The following ERICH6 variants were observed in gnomAD, a reference collection of about 807,000 sequenced individuals.
The protein encoded by ERICH6 is glutamate rich 6, also known as glutamate-rich protein 6.
In ERICH6, 71 loss-of-function variants were observed where a neutral mutation model predicts 71.0. That is an observed-to-expected ratio of 1.00 (90% confidence interval 0.83 to 1.22). The LOEUF (loss-of-function observed/expected upper bound fraction) is 1.22. Among genes scored for constraint, ERICH6 ranks in the 50% most tolerant of loss-of-function variants. The pLI is 0.00. For missense variants in ERICH6, 808 were observed against 797.2 expected, an observed-to-expected ratio of 1.01 and a Z score of -0.16; for synonymous variants, 262 against 278.4, an observed-to-expected ratio of 0.94 and a Z score of 0.59.
At chr3:150,666,709 A>G (rs912808282) in intron 13 of ERICH6, 78 bp downstream of exon 13, 17 of 1,242,606 alleles carry the variant, frequency 1.4e-5, no homozygotes, top group Non-Finnish European at 1.7e-5. Flanking sequence ...GTAATCTATC[A>G]GTAATAATAC....
intron 3 of ERICH6, among the ~76,000 whole-genome samples, chr3:150,694,077 A>G (rs1036574304): frequency 5.9e-5 from 9 of 152,100 alleles, no homozygotes; most frequent in African/African-American, 1.9e-4. Context: ...GTTTTCCAGG[A>G]TTGTTCTTCT....
At chr3:150,702,754 C>T (rs917173865) in intron 1 of ERICH6, among the ~76,000 whole-genome samples, 8 of 151,044 alleles carry the variant, frequency 5.3e-5, no homozygotes, top group East Asian at 2.0e-4. Context: ...GAAGACTTCT[C>T]TGCTTCTTTT....
In ERICH6 at chr3:150,665,089, A is replaced by G. The variant is rs113208725; in HGVS notation, c.1728+1698T>C. 4.6e-3 allele frequency among the ~76,000 whole-genome samples: 693 copies of G among 152,186 alleles called. 9 individuals carry two copies. The highest frequency in any genetic ancestry group is 0.016 in the African/African-American group (654 of 41,510). ...AATGTATTTACTATGGATGTAATGT[A>G]ACAAAAGGAGGGGATACTGCAGATT... On this transcript the variant is annotated intron_variant, in intron 13 of 13. Coordinates refer to ENST00000295910, the MANE Select transcript of ERICH6 (RefSeq NM_152394.5).
At chr3:150,666,737 C>A in intron 13 of ERICH6, 50 bp downstream of exon 13, 1 of 1,507,658 alleles carries the variant, frequency 6.6e-7, no homozygotes, top group Admixed American at 1.8e-5. Flanking sequence ...AGTTAGTTTA[C>A]TCTTATTATT....
At chr3:150,680,354 C>G in intron 9 of ERICH6, 114 bp downstream of exon 9, 1 of 1,081,820 alleles carries the variant, frequency 9.2e-7, no homozygotes, top group Non-Finnish European at 1.4e-6. Context: ...AGGCGTGAGC[C>G]ACTGCACCTG....
At chr3:150,671,842 C>T (rs1205591091) in intron 11 of ERICH6, among the ~76,000 whole-genome samples, 4 of 152,154 alleles carry the variant, frequency 2.6e-5, no homozygotes, top group Non-Finnish European at 4.4e-5. Context: ...GTTGCCCAGG[C>T]TGATCTCAAA....
At chr3:150,669,897 A>T (rs972215153) in intron 11 of ERICH6, among the ~76,000 whole-genome samples, 8 of 152,292 alleles carry the variant, frequency 5.3e-5, no homozygotes, top group Middle Eastern at 3.4e-3. Flanking sequence ...AGTATCTACA[A>T]AAAGCCCACA....
chr3:150,667,917 A>C (rs1727481495), intron 12 of ERICH6, among the ~76,000 whole-genome samples: 1 of 152,210 alleles, frequency 6.6e-6, no homozygotes, highest in Admixed American at 6.5e-5. Flanking sequence ...CCTCTTTCTA[A>C]AAAGTTCAAA....
intron 13 of ERICH6, among the ~76,000 whole-genome samples, chr3:150,662,963 G>A (rs1245404267): frequency 6.6e-6 from 1 of 152,120 alleles, no homozygotes; most frequent in East Asian, 1.9e-4. Flanking sequence ...GGCCAGTATG[G>A]CTGGAACAGA....
chr3:150,675,672 A>C (rs1026846689), intron 10 of ERICH6, among the ~76,000 whole-genome samples: 23 of 150,366 alleles, frequency 1.5e-4, no homozygotes, highest in Non-Finnish European at 1.2e-4. Context: ...CTTGAAATAT[A>C]TTTTAACTGG....
intron 3 of ERICH6, among the ~76,000 whole-genome samples, chr3:150,692,276 T>G (rs987504605): frequency 2.6e-5 from 4 of 152,188 alleles, no homozygotes; most frequent in African/African-American, 9.6e-5. Context: ...GGGCTTATAA[T>G]TTGGGAAATT....
chr3:150,692,725 A>G (rs1712501255), intron 3 of ERICH6, among the ~76,000 whole-genome samples: 1 of 152,184 alleles, frequency 6.6e-6, no homozygotes, highest in Non-Finnish European at 1.5e-5. Flanking sequence ...CCACAGAGGT[A>G]ACAAATTTTC....
chr3:150,662,043 G>A (rs931600997), intron 13 of ERICH6, among the ~76,000 whole-genome samples: 1 of 152,110 alleles, frequency 6.6e-6, no homozygotes, highest in Non-Finnish European at 1.5e-5. Flanking sequence ...CAAAGAGAAA[G>A]CAAGTGTAAG....
chr3:150,679,035 CAAAAAAAAAA>C (rs1160094551), intron 9 of ERICH6, among the ~76,000 whole-genome samples: 2 of 65,224 alleles, frequency 3.1e-5, no homozygotes, highest in African/African-American at 6.1e-5. Context: ...GACTCTGTCT[CAAAAAAAAAA>C]AAAAAAAAAA....
At chr3:150,674,566 T>C (rs1054394801) in intron 10 of ERICH6, among the ~76,000 whole-genome samples, 2 of 152,230 alleles carry the variant, frequency 1.3e-5, no homozygotes, top group African/African-American at 4.8e-5. Flanking sequence ...TTGGTTACTC[T>C]AGGTTCTTTA....
In ERICH6 at chr3:150,678,546, G is replaced by A. The variant is rs578028416; in HGVS notation, c.1120C>T (p.Arg374Cys). Residue 374 changes from arginine (R) to cysteine (C), a missense_variant, in exon 10 of 14, where the codon CGC becomes TGC. Arg to Cys is a radical substitution (Grantham distance 180). Around this residue, in one of 3 missense-constraint regions of ERICH6, gnomAD observed 736 missense variants for 712.2 expected, o/e 1.03. Transcript: ENST00000295910. The part of the protein sequence containing the change: ...QTHFSEDDSK[R>C]LKTISYQLSV... ...AGTTGATAAGAAATTGTTTTTAAGC[G>A]CTTTGAATCTAGTGGGAAAAGAATC... The A allele has an allele frequency of 9.2e-5, 146 of 1,593,266 alleles. 1 individual carries two copies. The highest frequency in any genetic ancestry group is 6.3e-4 in the East Asian group (28 of 44,352).
chr3:150,660,192 C>T (rs375398154), intron 13 of ERICH6, 37 bp from the exon 14 acceptor site: 1 of 1,597,044 alleles, frequency 6.3e-7, no homozygotes, highest in African/African-American at 1.4e-5. Context: ...AACTCAGAGT[C>T]CAGAAGTGGA....
intron 4 of ERICH6, 121 bp from the exon 5 acceptor site, chr3:150,686,142 C>T (rs920676979): frequency 8.4e-7 from 1 of 1,190,278 alleles, no homozygotes. Context: ...ACACACTGTT[C>T]AGATGCCCTG....
intron 6 of ERICH6, 91 bp downstream of exon 6, chr3:150,685,651 T>G: frequency 9.1e-7 from 1 of 1,100,630 alleles, no homozygotes; most frequent in Non-Finnish European, 1.3e-6. Context: ...TTTTTCCTTT[T>G]AGAGTATTTT....
Sources: gnomAD v4.1 joint callset for allele counts (sites outside exome capture counted in the v4.1 genomes callset) on GRCh38, gnomAD v4.1.1 for gene constraint, gnomAD v4.1.1 regional missense constraint, MANE v1.5 for transcripts, NCBI Gene and HGNC (gene_info 2026-07-23, HGNC 2026-07-21) for gene names.